PHTF2: variants seen among roughly 807,000 people sequenced by gnomAD.
PHTF2 encodes the protein protein PHTF2.
In PHTF2, 60 loss-of-function variants were observed where a neutral mutation model predicts 101.2. That is an observed-to-expected ratio of 0.59 (90% CI 0.48 to 0.73). The LOEUF is 0.73. PHTF2 is among the 30% of genes least tolerant of loss of function. PHTF2 has a pLI of 0.00. For synonymous variants in PHTF2, 311 were observed against 307.3 expected (o/e 1.01, Z -0.13); for missense variants, 747 against 908.7 (o/e 0.82, Z 2.29).
chr7:77,902,785 A>C (rs1342090054), intron 7 of PHTF2, among the ~76,000 whole-genome samples: 1 of 152,106 alleles, frequency 6.6e-6, no homozygotes, highest in Non-Finnish European at 1.5e-5. Flanking sequence ...AGATTCTAAG[A>C]GATACTTTTT....
chr7:77,901,250 A>G (rs1801362679), intron 6 of PHTF2, among the ~76,000 whole-genome samples: 1 of 152,240 alleles, frequency 6.6e-6, no homozygotes, highest in Non-Finnish European at 1.5e-5. Flanking sequence ...TCCAAACTAT[A>G]TCAGATATCT....
chr7:77,902,961 T>C (rs929060157), intron 7 of PHTF2, among the ~76,000 whole-genome samples: 1 of 152,122 alleles, frequency 6.6e-6, no homozygotes, highest in Non-Finnish European at 1.5e-5. Context: ...GATATAATAA[T>C]ATTTTCATGG....
At chr7:77,935,129 C>CCA (rs1481641670) in intron 12 of PHTF2, among the ~76,000 whole-genome samples, 135 of 125,480 alleles carry the variant, frequency 1.1e-3, no homozygotes, top group African/African-American at 3.9e-3. Context: ...TTCCCCCCCC[C>CCA]CACACACACA....
At position 77,873,237 on chromosome 7, in the gene PHTF2, T is replaced by C. The variant is rs146991954; in HGVS notation, c.147+18403T>C. Among the ~76,000 whole-genome samples, 559 of 152,284 alleles carry C rather than the reference T, an allele frequency of 3.7e-3. 11 individuals carry two copies. The South Asian group carries it at 0.05, about 13-fold the overall frequency. On this transcript the variant is annotated intron_variant, in intron 3 of 19. Transcript: ENST00000416283. ...CCACTGTGCTCGGCCTAGAACCTTT[T>C]TTAACTCCCGGAGCTGCAGCATTAA... is the stretch of plus-strand genomic sequence containing the variant.
At chr7:77,871,903 G>T (rs146206375) in intron 3 of PHTF2, among the ~76,000 whole-genome samples, 117 of 152,330 alleles carry the variant, frequency 7.7e-4, no homozygotes, top group Middle Eastern at 3.4e-3. Flanking sequence ...CATGATGGTA[G>T]TCTTGGCAGA....
chr7:77,916,768 T>C (rs1205103632), intron 9 of PHTF2, among the ~76,000 whole-genome samples: 1 of 152,160 alleles, frequency 6.6e-6, no homozygotes, highest in East Asian at 1.9e-4. Context: ...TAATACCTAA[T>C]AATGGTATAA....
rs577670336 is a variant in PHTF2 at position 77,885,161 on chromosome 7, A to G, written c.148-8447A>G. On this transcript the variant is annotated intron_variant, in intron 3 of 19. Coordinates refer to ENST00000416283, the Ensembl canonical transcript of PHTF2. Reference sequence around the variant, plus strand: ...TAGGCTGGAGTGCAATGGTGCAATCATAGCTTACCGTAGCCTCGAACTCCT... The same window carrying G: ...TAGGCTGGAGTGCAATGGTGCAATCGTAGCTTACCGTAGCCTCGAACTCCT... Among the ~76,000 whole-genome samples the G allele has an allele frequency of 3.9e-5, 6 of 152,202 alleles. No homozygotes were observed. The East Asian group carries it at 7.7e-4, about 20-fold the overall frequency.
At chr7:77,880,396 C>T (rs1006922525) in intron 3 of PHTF2, among the ~76,000 whole-genome samples, 7 of 152,306 alleles carry the variant, frequency 4.6e-5, no homozygotes, top group Non-Finnish European at 8.8e-5. Context: ...CCCATCTTAG[C>T]TGCCATCCCA....
At chr7:77,929,550 G>A (rs889714075) in intron 12 of PHTF2, among the ~76,000 whole-genome samples, 14 of 152,076 alleles carry the variant, frequency 9.2e-5, no homozygotes, top group Admixed American at 2.6e-4. Flanking sequence ...CTGGAGTTTC[G>A]TAAGTCAAAT....
chr7:77,836,468 A>G (rs1267321588), intron 1 of PHTF2, among the ~76,000 whole-genome samples: 1 of 152,074 alleles, frequency 6.6e-6, no homozygotes, highest in Non-Finnish European at 1.5e-5. Flanking sequence ...TTTTCCCACC[A>G]CCCTGGTCTT....
intron 5 of PHTF2, among the ~76,000 whole-genome samples, chr7:77,899,483 C>T (rs1270424108): frequency 1.3e-5 from 2 of 151,740 alleles, no homozygotes; most frequent in African/African-American, 2.4e-5. Flanking sequence ...ATATGAGGAT[C>T]GACTATATAT....
At chr7:77,901,081 A>G (rs538668699) in intron 6 of PHTF2, among the ~76,000 whole-genome samples, 6 of 152,226 alleles carry the variant, frequency 3.9e-5, no homozygotes, top group African/African-American at 1.2e-4. Context: ...GGTGCCACAC[A>G]CTTTTAAATC....
In PHTF2 at chr7:77,910,416, A is replaced by G; in HGVS notation, c.776+7A>G. The G allele has an allele frequency of 6.2e-7, 1 of 1,609,282 alleles. No homozygotes were observed. Among genetic ancestry groups the G allele is most frequent in the Non-Finnish European group, 8.5e-7 (1 of 1,177,248 alleles). On this transcript the variant is annotated splice_region_variant and intron_variant, in intron 9 of 19. Coordinates refer to ENST00000416283, the Ensembl canonical transcript of PHTF2. ...CTGCTTTCTTTTTATCAGGGTTTGTATTTATTTAAGGTTTTATATGGCATA... is the reference window on the plus strand; with the variant it reads ...CTGCTTTCTTTTTATCAGGGTTTGTGTTTATTTAAGGTTTTATATGGCATA...
chr7:77,875,254 C>A (rs1798829941), intron 3 of PHTF2, among the ~76,000 whole-genome samples: 1 of 151,976 alleles, frequency 6.6e-6, no homozygotes, highest in African/African-American at 2.4e-5. Flanking sequence ...TGATTTCTTT[C>A]ATCAGTGTTT....
At chr7:77,830,532 A>G (rs978305113) in intron 1 of PHTF2, among the ~76,000 whole-genome samples, 7 of 152,154 alleles carry the variant, frequency 4.6e-5, no homozygotes, top group African/African-American at 1.7e-4. Context: ...GATTCTCATA[A>G]GAGTGCGAAC....
intron 5 of PHTF2, among the ~76,000 whole-genome samples, chr7:77,899,188 T>C (rs1282667573): frequency 6.6e-6 from 1 of 152,182 alleles, no homozygotes; most frequent in African/African-American, 2.4e-5. Context: ...TTTTAAGCAC[T>C]ATACTTGAGG....
intron 12 of PHTF2, among the ~76,000 whole-genome samples, chr7:77,935,213 C>G (rs1804997704): frequency 7.6e-6 from 1 of 131,400 alleles, no homozygotes; most frequent in Non-Finnish European, 1.6e-5. Flanking sequence ...TGTAATTTAC[C>G]CTTTTTTTTT....
chr7:77,914,883 G>T lies in PHTF2; in HGVS notation c.776+4474G>T, dbSNP rs28569976. On this transcript the variant is annotated intron_variant, in intron 9 of 19. Transcript: ENST00000416283. ...CTGAGCTGTCTTCTAAATATAAGCT[G>T]TTTCCTCATTATTATTGTTATTATT... 6.3e-3 allele frequency among the ~76,000 whole-genome samples: 959 copies of T among 152,228 alleles called. 15 individuals are homozygous for T. Among genetic ancestry groups the T allele is most frequent in the African/African-American group, 0.022 (901 of 41,566 alleles).
chr7:77,931,646 G>A (rs1804579957), intron 12 of PHTF2, among the ~76,000 whole-genome samples: 1 of 152,174 alleles, frequency 6.6e-6, no homozygotes, highest in African/African-American at 2.4e-5. Flanking sequence ...TTGAAGAGCA[G>A]TTTGTCATTA....
Sources: gnomAD v4.1 joint callset for allele counts (sites outside exome capture counted in the v4.1 genomes callset) on GRCh38, gnomAD v4.1.1 for gene constraint, MANE v1.5 for transcripts, NCBI Gene and HGNC (gene_info 2026-07-23, HGNC 2026-07-21) for gene names.